The following COG5 variants were observed in gnomAD, a reference collection of about 807,000 sequenced individuals.
COG5 encodes the protein conserved oligomeric Golgi complex subunit 5.
A neutral mutation model predicts 110.4 loss-of-function variants in COG5; 86 were observed. The ratio of observed to expected loss-of-function variants is 0.78; its 90% CI spans 0.65 to 0.93. The LOEUF is 0.93. Among genes scored for constraint, COG5 ranks in the 40% least tolerant of loss-of-function variants. COG5 has a pLI of 0.00. For missense variants in COG5, 1,077 were observed against 987.0 expected, an observed-to-expected ratio of 1.09 and a Z score of -1.22; for synonymous variants, 360 against 334.6, an observed-to-expected ratio of 1.08 and a Z score of -0.83.
At chr7:107,361,951 G>A (rs968258216) in intron 10 of COG5, 82 bp downstream of exon 10, 1 of 865,076 alleles carries the variant, frequency 1.2e-6, no homozygotes, top group Non-Finnish European at 1.9e-6. Context: ...ACTCTATAAG[G>A]TAGTAGTAAC....
chr7:107,528,891 C>T (rs1563084259), intron 5 of COG5, among the ~76,000 whole-genome samples: 1 of 151,994 alleles, frequency 6.6e-6, no homozygotes, highest in Non-Finnish European at 1.5e-5. Context: ...AAGCAATACA[C>T]CGTATGTATG....
chr7:107,450,863 T>C (rs73724517), intron 6 of COG5, among the ~76,000 whole-genome samples: 2,089 of 152,266 alleles, frequency 0.014, 49 homozygotes, highest in African/African-American at 0.047. Context: ...AAAGTTATTT[T>C]GATATCAGAC....
rs1801022952 is a variant in COG5 at position 107,529,512 on chromosome 7, A to T, written c.418-2155T>A. Among the ~76,000 whole-genome samples, 3 of 152,134 alleles carry T rather than the reference A, an allele frequency of 2.0e-5. No homozygotes were observed. The South Asian group carries it at 6.2e-4, about 32-fold the overall frequency. On this transcript the variant is annotated intron_variant, in intron 5 of 21. Coordinates refer to ENST00000297135, the MANE Select transcript of COG5 (RefSeq NM_006348.5). ...CCTTCCGGGGGCACTCCACCTGAAA[A>T]AGGAAGAAAGCCTCAGGTGGGCATG... is the stretch of plus-strand genomic sequence containing the variant.
At chr7:107,506,961 T>G (rs1799061656) in intron 6 of COG5, among the ~76,000 whole-genome samples, 1 of 152,236 alleles carries the variant, frequency 6.6e-6, no homozygotes. Flanking sequence ...GAATAATGAA[T>G]GGCTCCCCTT....
intron 10 of COG5, among the ~76,000 whole-genome samples, chr7:107,333,903 G>A (rs1203251834): frequency 6.6e-6 from 1 of 152,032 alleles, no homozygotes; most frequent in Non-Finnish European, 1.5e-5. Context: ...GTCAAATAAT[G>A]GTGTTAAAGG....
intron 6 of COG5, among the ~76,000 whole-genome samples, chr7:107,419,601 C>G (rs1793130134): frequency 6.7e-6 from 1 of 149,124 alleles, no homozygotes; most frequent in Non-Finnish European, 1.5e-5. Flanking sequence ...GAGTTTCACT[C>G]TTGTCGCCCA....
intron 6 of COG5, among the ~76,000 whole-genome samples, chr7:107,515,172 A>C (rs986806438): frequency 1.3e-5 from 2 of 152,200 alleles, no homozygotes; most frequent in Non-Finnish European, 2.9e-5. Context: ...ACTTTATGGG[A>C]AATTTTTCCT....
chr7:107,235,377 A>AC (rs1165833013), intron 18 of COG5, among the ~76,000 whole-genome samples: 1 of 152,236 alleles, frequency 6.6e-6, no homozygotes, highest in Admixed American at 6.5e-5. Flanking sequence ...AACTATTTGG[A>AC]CTAGTAAAGC....
rs1053895705 is a variant in COG5, at chr7:107,268,728, G to A, written c.1576-10345C>T. On this transcript the variant is annotated intron_variant, in intron 14 of 21. Coordinates refer to ENST00000297135, the MANE Select transcript of COG5 (RefSeq NM_006348.5). ...TGTAAATTGTTCCTTTTCTCAATAT[G>A]TGACCTTCACAATCCCTAATAATGT... Among the ~76,000 whole-genome samples, 5 of 152,096 alleles carry A rather than the reference G, an allele frequency of 3.3e-5. No homozygotes were observed. In the South Asian group the frequency reaches 8.3e-4, roughly 25 times the overall value.
chr7:107,374,679 T>C (rs1368524170), intron 7 of COG5, among the ~76,000 whole-genome samples: 1 of 152,088 alleles, frequency 6.6e-6, no homozygotes, highest in Non-Finnish European at 1.5e-5. Flanking sequence ...AACGTAATGG[T>C]GTATTATATT....
In COG5 at chr7:107,370,080, G is replaced by A. The variant is rs572345813; in HGVS notation, c.835+2515C>T. On this transcript the variant is annotated intron_variant, in intron 8 of 21. Transcript: ENST00000297135. ...CTGTTTACTTTTTATACTTAAAATT[G>A]TATTATTTATATTTATATATGTGCG... Among the ~76,000 whole-genome samples, 418 of 151,654 alleles carry A rather than the reference G, an allele frequency of 2.8e-3. 3 individuals carry two copies. Among genetic ancestry groups the A allele is most frequent in the African/African-American group, 9.4e-3 (389 of 41,340 alleles).
chr7:107,206,368 C>G (rs1798787549), intron 21 of COG5, among the ~76,000 whole-genome samples: 1 of 152,210 alleles, frequency 6.6e-6, no homozygotes, highest in African/African-American at 2.4e-5. Context: ...GAATTTAGTG[C>G]TCTTAGAGAA....
At chr7:107,510,201 A>C (rs1348492585) in intron 6 of COG5, among the ~76,000 whole-genome samples, 2 of 152,226 alleles carry the variant, frequency 1.3e-5, no homozygotes, top group East Asian at 3.9e-4. Flanking sequence ...GGATGGAGGA[A>C]GATCTACCAA....
intron 10 of COG5, among the ~76,000 whole-genome samples, chr7:107,335,609 T>C (rs1810636153): frequency 6.6e-6 from 1 of 152,196 alleles, no homozygotes; most frequent in Non-Finnish European, 1.5e-5. Flanking sequence ...TAGTGAGTTC[T>C]TACTTATTAG....
chr7:107,545,331 A>G (rs879218143), intron 5 of COG5, among the ~76,000 whole-genome samples: 1 of 152,222 alleles, frequency 6.6e-6, no homozygotes, highest in Admixed American at 6.5e-5. Context: ...ATATATTACA[A>G]TCAAATTGTC....
At chr7:107,377,073 C>T (rs1187967775) in intron 7 of COG5, among the ~76,000 whole-genome samples, 7 of 152,042 alleles carry the variant, frequency 4.6e-5, no homozygotes, top group African/African-American at 1.7e-4. Context: ...TTAACCTGGC[C>T]TCATAAAATG....
intron 6 of COG5, among the ~76,000 whole-genome samples, chr7:107,450,610 C>A (rs1337574919): frequency 1.3e-5 from 2 of 152,128 alleles, no homozygotes; most frequent in Non-Finnish European, 2.9e-5. Flanking sequence ...GGAAGAAAAG[C>A]AAGCACCAGG....
intron 10 of COG5, among the ~76,000 whole-genome samples, chr7:107,352,743 G>C (rs925281353): frequency 2.1e-5 from 3 of 143,364 alleles, no homozygotes; most frequent in Non-Finnish European, 4.7e-5. Flanking sequence ...ATTCTCATTA[G>C]TACAGCAACT....
chr7:107,207,763 T>C, intron 21 of COG5: 1 of 985,340 alleles, frequency 1.0e-6, no homozygotes, highest in South Asian at 4.7e-5. Context: ...GAGTAAGTTA[T>C]TACTCTGATT....
Sources: allele counts gnomAD v4.1 joint callset (sites outside exome capture counted in the v4.1 genomes callset), GRCh38; gene constraint gnomAD v4.1.1; transcripts MANE v1.5; gene names NCBI Gene and HGNC (gene_info 2026-07-23, HGNC 2026-07-21).